ZNF804B: variants seen among roughly 807,000 people sequenced by gnomAD.
The protein encoded by ZNF804B is zinc finger protein 804B, also known as zinc finger 804B.
A neutral mutation model predicts 101.4 loss-of-function variants in ZNF804B; 80 were observed. The ratio of observed to expected loss-of-function variants is 0.79; its 90% confidence interval spans 0.66 to 0.95. The LOEUF (loss-of-function observed/expected upper bound fraction) is 0.95. Ranked by LOEUF, ZNF804B falls within the 40% of genes least tolerant of loss-of-function variation. The pLI is 0.00. For missense variants in ZNF804B, 1,673 were observed against 1,561.9 expected (o/e 1.07, Z -1.20); for synonymous variants, 622 against 558.8 (o/e 1.11, Z -1.59).
intron 2 of ZNF804B, among the ~76,000 whole-genome samples, chr7:89,316,660 G>A (rs528877612): frequency 1.3e-5 from 2 of 152,254 alleles, no homozygotes; most frequent in Non-Finnish European, 2.9e-5. Flanking sequence ...ATTTTGTAAA[G>A]ACCATCAGAA....
intron 1 of ZNF804B, among the ~76,000 whole-genome samples, chr7:89,161,190 C>A (rs1791057326): frequency 6.6e-6 from 1 of 152,024 alleles, no homozygotes. Flanking sequence ...GCACACTGGG[C>A]AAGCCTACTC....
intron 1 of ZNF804B, among the ~76,000 whole-genome samples, chr7:89,157,437 G>A (rs1790994631): frequency 6.6e-6 from 1 of 151,798 alleles, no homozygotes; most frequent in Admixed American, 6.6e-5. Flanking sequence ...ACACATCTTT[G>A]GTGAACATAT....
chr7:88,999,177 A>C (rs145511515), intron 1 of ZNF804B, among the ~76,000 whole-genome samples: 4 of 152,062 alleles, frequency 2.6e-5, no homozygotes, highest in African/African-American at 7.2e-5. Flanking sequence ...GAGACTGTCA[A>C]ATTATTTTCA....
At chr7:88,827,214 A>G (rs2115773445) in intron 1 of ZNF804B, among the ~76,000 whole-genome samples, 1 of 152,050 alleles carries the variant, frequency 6.6e-6, no homozygotes, top group African/African-American at 2.4e-5. Context: ...TTAATTTCCA[A>G]GAGGATACAG....
intron 1 of ZNF804B, among the ~76,000 whole-genome samples, chr7:88,961,206 A>T (rs1417556571): frequency 6.6e-6 from 1 of 151,168 alleles, no homozygotes; most frequent in African/African-American, 2.4e-5. Context: ...TTTTCTAAAT[A>T]AACAATAATT....
At chr7:89,191,363 A>G (rs1342647205) in intron 1 of ZNF804B, among the ~76,000 whole-genome samples, 1 of 152,142 alleles carries the variant, frequency 6.6e-6, no homozygotes, top group African/African-American at 2.4e-5. Context: ...ATTAATTTCA[A>G]TATGATTGTT....
chr7:89,316,301 C>T (rs1335875422), intron 2 of ZNF804B, among the ~76,000 whole-genome samples: 2 of 152,122 alleles, frequency 1.3e-5, no homozygotes, highest in Admixed American at 6.6e-5. Context: ...CCTAAATGTA[C>T]TGCTATCTCT....
At chr7:89,237,093 T>TA (rs1414685575) in intron 2 of ZNF804B, among the ~76,000 whole-genome samples, 2 of 151,984 alleles carry the variant, frequency 1.3e-5, no homozygotes, top group African/African-American at 4.8e-5. Context: ...TAATAACACA[T>TA]ATCTCACCCA....
At chr7:88,926,922 T>C (rs956289067) in intron 1 of ZNF804B, among the ~76,000 whole-genome samples, 1 of 121,992 alleles carries the variant, frequency 8.2e-6, no homozygotes, top group African/African-American at 3.7e-5. Context: ...CACACTTAGA[T>C]GTCTGCCGGG....
intron 1 of ZNF804B, among the ~76,000 whole-genome samples, chr7:88,924,501 GTAGGGGACTAGC>G (rs774322625): frequency 2.4e-4 from 36 of 152,112 alleles, no homozygotes; most frequent in South Asian, 1.2e-3. Flanking sequence ...AGCCTTTGTG[GTAGGGGACTAGC>G]TACCTCTCCT....
At chr7:88,773,541 A>T (rs1790099395) in intron 1 of ZNF804B, among the ~76,000 whole-genome samples, 1 of 152,216 alleles carries the variant, frequency 6.6e-6, no homozygotes, top group African/African-American at 2.4e-5. Context: ...GATATGTTTT[A>T]CATAAACCAA....
chr7:89,230,924 T>G (rs1789183435), intron 2 of ZNF804B, among the ~76,000 whole-genome samples: 1 of 152,100 alleles, frequency 6.6e-6, no homozygotes, highest in Non-Finnish European at 1.5e-5. Flanking sequence ...ATTGTGCTAA[T>G]TTTTCTAACT....
At chr7:88,962,935 A>G (rs1010989691) in intron 1 of ZNF804B, among the ~76,000 whole-genome samples, 2 of 150,802 alleles carry the variant, frequency 1.3e-5, no homozygotes, top group African/African-American at 4.9e-5. Context: ...AACATCACAC[A>G]GAAAAATACC....
chr7:88,809,331 CTATCTATCTATCTATCTATCTAT>C (rs1562799772), intron 1 of ZNF804B, among the ~76,000 whole-genome samples: 35 of 150,994 alleles, frequency 2.3e-4, no homozygotes, highest in African/African-American at 7.8e-4. Context: ...ATCTATCTAT[CTATCTATCTATCTATCTATCTAT>C]CTACCTATCT....
In ZNF804B at chr7:88,854,543, C is replaced by CT. The variant is rs1437078805; in HGVS notation, c.108+94461dup. ...TTTCCTTCCTTTCCTTCCTTCCTTC[C>CT]TTCCTTCCTTCCTTCCTTCCTTCCT... is the stretch of plus-strand genomic sequence containing the variant. On this transcript the variant is annotated intron_variant, in intron 1 of 3. Coordinates refer to ENST00000333190, the MANE Select transcript of ZNF804B (RefSeq NM_181646.5). Among the ~76,000 whole-genome samples, 52 of 84,264 alleles carry CT rather than the reference C, an allele frequency of 6.2e-4. 1 individual carries two copies. Among genetic ancestry groups the CT allele is most frequent in the East Asian group, 3.4e-3 (6 of 1,744 alleles). 55.3% of individuals were successfully genotyped at this position (84,264 alleles called of 152,430 possible). A position where few individuals can be genotyped will look rare whatever the true frequency, so the allele number is the denominator to read the frequency against.
chr7:89,202,894 A>T (rs763104798), intron 1 of ZNF804B, among the ~76,000 whole-genome samples: 3 of 152,070 alleles, frequency 2.0e-5, no homozygotes, highest in African/African-American at 4.8e-5. Flanking sequence ...CTTTTTTACA[A>T]TGGGCCCACA....
intron 1 of ZNF804B, among the ~76,000 whole-genome samples, chr7:88,800,358 T>C (rs949999543): frequency 2.0e-5 from 3 of 152,130 alleles, no homozygotes; most frequent in Admixed American, 6.6e-5. Flanking sequence ...GAACAGTGTT[T>C]GGTAATTACT....
chr7:89,040,778 AT>A (rs1554358276), intron 1 of ZNF804B, among the ~76,000 whole-genome samples: 1 of 152,204 alleles, frequency 6.6e-6, no homozygotes, highest in Non-Finnish European at 1.5e-5. Flanking sequence ...AATGTCCTTC[AT>A]CAGTCAGCCT....
chr7:89,037,471 G>A (rs554634596), intron 1 of ZNF804B, among the ~76,000 whole-genome samples: 120 of 151,520 alleles, frequency 7.9e-4, no homozygotes, highest in African/African-American at 2.7e-3. Context: ...TATAGTATTA[G>A]TTATATATGT....
Sources: gnomAD v4.1 joint callset for allele counts (sites outside exome capture counted in the v4.1 genomes callset) on GRCh38, gnomAD v4.1.1 for gene constraint, MANE v1.5 for transcripts, NCBI Gene and HGNC (gene_info 2026-07-23, HGNC 2026-07-21) for gene names.